Variants in TRPM3 observed in about 807,000 individuals in gnomAD.
TRPM3 encodes transient receptor potential cation channel subfamily M member 3, also known as long transient receptor potential channel 3.
Under a neutral mutation model 181.2 loss-of-function variants are expected in TRPM3, and 77 were observed. The ratio of observed to expected loss-of-function variants is 0.42; its 90% CI spans 0.35 to 0.51. The LOEUF is 0.51. Among genes scored for constraint, TRPM3 ranks in the 20% least tolerant of loss-of-function variants. The probability of loss-of-function intolerance (pLI) is 0.01; values close to 1 mark genes in which losing one functional copy is unlikely to be tolerated. For synonymous variants in TRPM3, 745 were observed against 796.4 expected (o/e 0.94, Z 1.09); for missense variants, 1,759 against 2,196.7 (o/e 0.80, Z 3.98).
intron 9 of TRPM3, among the ~76,000 whole-genome samples, chr9:70,643,693 C>T (rs2058406512): frequency 6.6e-6 from 1 of 152,200 alleles, no homozygotes; most frequent in Admixed American, 6.5e-5. Context: ...TCACCCTATT[C>T]TCGACTATGG....
intron 11 of TRPM3, 144 bp from the exon 12 acceptor site, chr9:70,635,405 C>T: frequency 1.7e-6 from 1 of 585,046 alleles, no homozygotes; most frequent in Non-Finnish European, 3.0e-6. Context: ...AGTGTATCTG[C>T]CTTTTCTTTC....
At chr9:71,149,864 G>C (rs1230604028) in intron 1 of TRPM3, among the ~76,000 whole-genome samples, 1 of 152,062 alleles carries the variant, frequency 6.6e-6, no homozygotes, top group African/African-American at 2.4e-5. Context: ...TTGGGAGGCT[G>C]AGGTGGGAGG....
At chr9:70,951,229 G>C (rs1451040848) in intron 1 of TRPM3, among the ~76,000 whole-genome samples, 3 of 152,040 alleles carry the variant, frequency 2.0e-5, no homozygotes, top group African/African-American at 7.2e-5. Context: ...ATATTAAGAG[G>C]TAAATAACAT....
At chr9:70,593,393 T>C (rs2058460565) in intron 21 of TRPM3, among the ~76,000 whole-genome samples, 1 of 152,184 alleles carries the variant, frequency 6.6e-6, no homozygotes, top group Non-Finnish European at 1.5e-5. Context: ...GTTCTATCAA[T>C]GAAAAAGCAC....
intron 5 of TRPM3, among the ~76,000 whole-genome samples, chr9:70,828,703 T>TC: frequency 7.8e-6 from 1 of 127,928 alleles, no homozygotes; most frequent in Non-Finnish European, 1.8e-5. Flanking sequence ...CCTTCCAGAT[T>TC]TTTTTTTTTT....
At chr9:71,039,423 G>A (rs1302258164) in intron 1 of TRPM3, among the ~76,000 whole-genome samples, 1 of 152,168 alleles carries the variant, frequency 6.6e-6, no homozygotes, top group African/African-American at 2.4e-5. Context: ...CATAGTATCA[G>A]TAGATGCTTT....
chr9:71,352,840 G>C (rs1026622817), intron 1 of TRPM3, among the ~76,000 whole-genome samples: 1 of 152,056 alleles, frequency 6.6e-6, no homozygotes, highest in African/African-American at 2.4e-5. Flanking sequence ...CCTTGGAGGT[G>C]TAACCTTTCA....
chr9:70,747,120 T>C (rs2075297104), intron 8 of TRPM3, among the ~76,000 whole-genome samples: 2 of 152,194 alleles, frequency 1.3e-5, no homozygotes, highest in Admixed American at 6.6e-5. Context: ...GCTATATATA[T>C]GCTATGATAT....
intron 22 of TRPM3, among the ~76,000 whole-genome samples, chr9:70,588,396 C>CAT (rs2132482011): frequency 6.6e-6 from 1 of 152,022 alleles, no homozygotes; most frequent in East Asian, 1.9e-4. Context: ...ATTGTACATC[C>CAT]ATATACGTCC....
intron 1 of TRPM3, among the ~76,000 whole-genome samples, chr9:70,988,540 A>T (rs777991950): frequency 6.6e-6 from 1 of 152,218 alleles, no homozygotes; most frequent in Non-Finnish European, 1.5e-5. Flanking sequence ...GTATTTTGGT[A>T]GGCAGAATTT....
intron 1 of TRPM3, among the ~76,000 whole-genome samples, chr9:71,050,562 T>C (rs547703520): frequency 6.6e-6 from 1 of 152,352 alleles, no homozygotes; most frequent in African/African-American, 2.4e-5. Flanking sequence ...TATTTGATGT[T>C]ATGTATATTT....
chr9:70,836,152 C>T (rs1420645554), intron 5 of TRPM3, among the ~76,000 whole-genome samples: 1 of 152,158 alleles, frequency 6.6e-6, no homozygotes. Flanking sequence ...CATGTGTACT[C>T]TCTCCCATTC....
chr9:70,783,935 T>C, intron 7 of TRPM3, 170 bp downstream of exon 7: 1 of 1,375,430 alleles, frequency 7.3e-7, no homozygotes, highest in Non-Finnish European at 9.4e-7. Context: ...TTAGAATATG[T>C]TTCTCTGTTC....
At chr9:70,554,182 G>GA (rs1449176881) in intron 22 of TRPM3, among the ~76,000 whole-genome samples, 1 of 152,110 alleles carries the variant, frequency 6.6e-6, no homozygotes, top group Admixed American at 6.5e-5. Flanking sequence ...ATGCAAGAAA[G>GA]AAAAAAATCC....
intron 1 of TRPM3, among the ~76,000 whole-genome samples, chr9:71,211,990 A>G (rs1247365259): frequency 6.6e-6 from 1 of 152,204 alleles, no homozygotes; most frequent in East Asian, 1.9e-4. Flanking sequence ...ACTGTAATGG[A>G]TTCCACCAGG....
intron 3 of TRPM3, among the ~76,000 whole-genome samples, chr9:70,849,113 A>C (rs1441842598): frequency 6.6e-6 from 1 of 152,072 alleles, no homozygotes; most frequent in Non-Finnish European, 1.5e-5. Flanking sequence ...ACTTCTAGGC[A>C]CCTTCACTGA....
intron 1 of TRPM3, among the ~76,000 whole-genome samples, chr9:70,971,632 G>C (rs567954781): frequency 2.0e-5 from 3 of 152,136 alleles, no homozygotes; most frequent in African/African-American, 7.2e-5. Context: ...AGAAAGTTAA[G>C]CTGTGCTCTA....
intron 1 of TRPM3, among the ~76,000 whole-genome samples, chr9:71,248,037 T>G (rs2082136193): frequency 6.6e-6 from 1 of 152,128 alleles, no homozygotes. Flanking sequence ...CCAAGAACAT[T>G]GAAATGATTG....
chr9:71,013,548 C>G (rs2134400856), intron 1 of TRPM3, among the ~76,000 whole-genome samples: 1 of 151,910 alleles, frequency 6.6e-6, no homozygotes, highest in East Asian at 1.9e-4. Flanking sequence ...AGTATTTATG[C>G]ATGAGACTAT....
Sources: gnomAD v4.1 joint callset for allele counts (sites outside exome capture counted in the v4.1 genomes callset) on GRCh38, gnomAD v4.1.1 for gene constraint, MANE v1.5 for transcripts, NCBI Gene and HGNC (gene_info 2026-07-23, HGNC 2026-07-21) for gene names.